KIAA0825: variants seen among roughly 807,000 people sequenced by gnomAD.
KIAA0825 encodes the protein uncharacterized protein KIAA0825.
A neutral mutation model predicts 147.6 loss-of-function variants in KIAA0825; 119 were observed. That is an observed-to-expected ratio of 0.81 (90% CI 0.69 to 0.94). KIAA0825 has a LOEUF of 0.94. Among genes scored for constraint, KIAA0825 ranks in the 40% least tolerant of loss-of-function variants. KIAA0825 has a pLI of 0.00. For synonymous variants in KIAA0825, 470 were observed against 518.1 expected, an observed-to-expected ratio of 0.91 and a Z score of 1.26; for missense variants, 1,381 against 1,472.7, an observed-to-expected ratio of 0.94 and a Z score of 1.02.
chr5:94,463,275 C>A (rs1760063031), intron 11 of KIAA0825, among the ~76,000 whole-genome samples: 1 of 150,838 alleles, frequency 6.6e-6, no homozygotes, highest in Non-Finnish European at 1.5e-5. Context: ...TTTTATTTGT[C>A]TTTTACATTC....
At chr5:94,293,012 AT>A (rs1328846281) in intron 20 of KIAA0825, among the ~76,000 whole-genome samples, 6 of 144,380 alleles carry the variant, frequency 4.2e-5, no homozygotes, top group African/African-American at 1.5e-4. Context: ...TTTTTTCTTT[AT>A]TAGTCTGGCT....
chr5:94,316,825 A>C (rs1049495868), intron 20 of KIAA0825, among the ~76,000 whole-genome samples: 2 of 151,740 alleles, frequency 1.3e-5, no homozygotes, highest in Non-Finnish European at 2.9e-5. Flanking sequence ...ACGCACAAAA[A>C]CCAAAAAATA....
rs77851616 is a variant in KIAA0825, at chr5:94,507,692, G to GA, written c.970+12555dup. ...AAGTTCAAAGAAATCATACTTCTGAGAAAAAAAAAAAAGGAAAAGCCTAAG... is the reference window on the plus strand; with the variant it reads ...AAGTTCAAAGAAATCATACTTCTGAGAAAAAAAAAAAAAGGAAAAGCCTAAG... On this transcript the variant is annotated intron_variant, in intron 5 of 20. Transcript: ENST00000682413. Among the ~76,000 whole-genome samples, 763 of 130,434 alleles carry GA rather than the reference G, an allele frequency of 5.8e-3. 6 individuals are homozygous for GA. Among genetic ancestry groups the GA allele is most frequent in the Non-Finnish European group, 8.1e-3 (485 of 60,184 alleles). The allele number at this position is 130,434 out of a possible 152,430, so 85.6% of individuals were successfully genotyped here. A position where few individuals can be genotyped will look rare whatever the true frequency, so the allele number is the denominator to read the frequency against.
At chr5:94,178,651 T>C (rs1769326545) in intron 20 of KIAA0825, among the ~76,000 whole-genome samples, 1 of 152,058 alleles carries the variant, frequency 6.6e-6, no homozygotes, top group East Asian at 1.9e-4. Flanking sequence ...AAACAACATT[T>C]AAGAGGGCAT....
intron 1 of KIAA0825, among the ~76,000 whole-genome samples, chr5:94,600,479 C>T (rs986026841): frequency 1.3e-5 from 2 of 150,248 alleles, no homozygotes; most frequent in Non-Finnish European, 1.5e-5. Context: ...TCCTTAATAC[C>T]TTAATGTATT....
intron 15 of KIAA0825, among the ~76,000 whole-genome samples, chr5:94,406,398 C>A (rs144780912): frequency 5.9e-5 from 9 of 152,188 alleles, no homozygotes; most frequent in African/African-American, 1.7e-4. Flanking sequence ...TATATGAATT[C>A]TCCAGTATCT....
At chr5:94,291,377 C>A (rs188381215) in intron 20 of KIAA0825, among the ~76,000 whole-genome samples, 2 of 152,268 alleles carry the variant, frequency 1.3e-5, no homozygotes, top group East Asian at 3.9e-4. Context: ...GGAATCCTTC[C>A]CCCATTGCTT....
At chr5:94,498,825 A>C (rs1764689037) in intron 5 of KIAA0825, among the ~76,000 whole-genome samples, 1 of 152,198 alleles carries the variant, frequency 6.6e-6, no homozygotes, top group Non-Finnish European at 1.5e-5. Context: ...CTGCTTATGC[A>C]AGGTCTACTC....
In KIAA0825 at chr5:94,484,769, C is replaced by A; in HGVS notation, c.1132G>T (p.Gly378Ter). ...AAATTTAAACAAAAGAGGATATTAC[C>A]TGAAGTATCCCTGGTTATCTTGAGT... Reference protein sequence around the residue: ...LSLKITRDTSGILEKSDREVV... With the variant: ...LSLKITRDTS Residue 378 changes from glycine to a stop codon, truncating the protein, a stop_gained and splice_region_variant, in exon 6 of 21, where the codon GGA becomes TGA. Coordinates refer to ENST00000682413, the MANE Select transcript of KIAA0825 (RefSeq NM_001145678.3). LOFTEE classifies it high-confidence loss of function. 1 of 1,469,328 alleles carries A rather than the reference C, an allele frequency of 6.8e-7. No homozygotes were observed. Among genetic ancestry groups the A allele is most frequent in the Non-Finnish European group, 9.1e-7 (1 of 1,094,506 alleles). The allele number at this position is 1,469,328 out of a possible 1,614,324, so 91.0% of individuals were successfully genotyped here.
At chr5:94,170,147 A>C (rs1046877523) in intron 20 of KIAA0825, among the ~76,000 whole-genome samples, 36 of 152,256 alleles carry the variant, frequency 2.4e-4, no homozygotes, top group African/African-American at 8.7e-4. Flanking sequence ...AAAATACAAA[A>C]AATAAGCCAG....
At chr5:94,181,544 CAG>C (rs1304482169) in intron 20 of KIAA0825, among the ~76,000 whole-genome samples, 5 of 152,068 alleles carry the variant, frequency 3.3e-5, no homozygotes, top group Admixed American at 3.3e-4. Context: ...CAAATGTAAA[CAG>C]TGATTGAACC....
intron 14 of KIAA0825, among the ~76,000 whole-genome samples, chr5:94,424,598 C>T (rs1327061016): frequency 6.6e-6 from 1 of 151,978 alleles, no homozygotes; most frequent in East Asian, 1.9e-4. Flanking sequence ...CTCAATGATG[C>T]ACCTCCAGGA....
At chr5:94,513,395 C>T (rs972340261) in intron 5 of KIAA0825, among the ~76,000 whole-genome samples, 1 of 152,034 alleles carries the variant, frequency 6.6e-6, no homozygotes, top group Non-Finnish European at 1.5e-5. Context: ...GTTTCAATGT[C>T]AGAATTAGAG....
rs866404091 is a variant in KIAA0825 at position 94,438,453 on chromosome 5, G to T, written c.2497+1529C>A. On this transcript the variant is annotated intron_variant, in intron 14 of 20. Coordinates refer to ENST00000682413, the MANE Select transcript of KIAA0825 (RefSeq NM_001145678.3). ...GGTTAAGCCTGAAGCTAAATAAATT[G>T]CTTTCAGATAAACTTTGTGAGATTT... Among the ~76,000 whole-genome samples, 32 of 152,264 alleles carry T rather than the reference G, an allele frequency of 2.1e-4. 1 individual carries two copies. The highest frequency in any genetic ancestry group is 5.8e-4 in the African/African-American group (24 of 41,570).
chr5:94,153,840 T>C lies in KIAA0825; in HGVS notation c.*167A>G. 8 of 465,018 alleles carry C rather than the reference T, an allele frequency of 1.7e-5. No individual in the cohort carries two copies. The allele number at this position is 465,018 out of a possible 1,614,324, so 28.8% of individuals were successfully genotyped here. On this transcript the variant is annotated 3_prime_UTR_variant, in exon 21 of 21. Transcript: ENST00000682413. Reference sequence around the variant, plus strand: ...ATTATTTTTAAAATAAAAAAATATGTAGCACCTTATCCTTTATGTGCTGTA... The same window carrying C: ...ATTATTTTTAAAATAAAAAAATATGCAGCACCTTATCCTTTATGTGCTGTA...
rs1755468026 is a variant in KIAA0825, at chr5:94,430,104, A to G, written c.2497+9878T>C. ...CTCATGCTGCTGGACCAAGCAAGCA[A>G]ATACTCTGAAAGCCTGGAGATCTGC... On this transcript the variant is annotated intron_variant, in intron 14 of 20. Transcript: ENST00000682413. 2.6e-5 allele frequency among the ~76,000 whole-genome samples: 4 copies of G among 152,160 alleles called. No individual in the cohort carries two copies. In the South Asian group the frequency reaches 8.3e-4, roughly 32 times the overall value.
intron 13 of KIAA0825, among the ~76,000 whole-genome samples, chr5:94,448,747 G>C (rs956533338): frequency 6.6e-6 from 1 of 152,048 alleles, no homozygotes; most frequent in Admixed American, 6.6e-5. Context: ...GGATAATTTG[G>C]GGGTGAAAGA....
chr5:94,339,855 A>G (rs1411097118), intron 20 of KIAA0825, among the ~76,000 whole-genome samples: 1 of 152,186 alleles, frequency 6.6e-6, no homozygotes, highest in African/African-American at 2.4e-5. Context: ...TATTTATTTA[A>G]AATTACTAAA....
chr5:94,473,242 A>G, intron 8 of KIAA0825, 50 bp downstream of exon 8: 1 of 1,434,850 alleles, frequency 7.0e-7, no homozygotes, highest in South Asian at 1.3e-5. Flanking sequence ...TTATACTAAA[A>G]TAAATCCCAT....
Sources: gnomAD v4.1 joint callset for allele counts (sites outside exome capture counted in the v4.1 genomes callset) on GRCh38, gnomAD v4.1.1 for gene constraint, MANE v1.5 for transcripts, NCBI Gene and HGNC (gene_info 2026-07-23, HGNC 2026-07-21) for gene names.